The following TP53I11 variants were observed in gnomAD, a reference collection of about 807,000 sequenced individuals.
The protein encoded by TP53I11 is tumor protein p53-inducible protein 11.
Under a neutral mutation model 23.3 loss-of-function variants are expected in TP53I11, and 9 were observed. The ratio of observed to expected loss-of-function variants is 0.39; its 90% confidence interval spans 0.23 to 0.67. TP53I11 has a LOEUF of 0.67. Among genes scored for constraint, TP53I11 ranks in the 30% least tolerant of loss-of-function variants. The pLI is 0.48. For synonymous variants in TP53I11, 100 were observed against 106.1 expected, an observed-to-expected ratio of 0.94 and a Z score of 0.35; for missense variants, 170 against 255.2, an observed-to-expected ratio of 0.67 and a Z score of 2.27.
At chr11:44,940,316 T>C (rs1007085035) in intron 1 of TP53I11, among the ~76,000 whole-genome samples, 20 of 152,372 alleles carry the variant, frequency 1.3e-4, no homozygotes, top group Admixed American at 9.8e-4. Context: ...GTTATTTGAA[T>C]GTTAGCACAC....
chr11:44,935,672 GGGATGAAAAGGGGGCT>G lies in TP53I11; in HGVS notation c.335-26_335-11del. 2 of 1,532,422 alleles carry G rather than the reference GGGATGAAAAGGGGGCT, an allele frequency of 1.3e-6. No homozygotes were observed. Among genetic ancestry groups the G allele is most frequent in the Non-Finnish European group, 1.8e-6 (2 of 1,109,704 alleles). The allele number at this position is 1,532,422 out of a possible 1,614,324, so 94.9% of individuals were successfully genotyped here. A position where few individuals can be genotyped will look rare whatever the true frequency, so the allele number is the denominator to read the frequency against. ...ATGATCAGGGAGATGCCTGGGGCGGGGGATGAAAAGGGGGCTGGGGGTGGGACAGCTGACTCCCTCC... is the reference window on the plus strand; with the variant it reads ...ATGATCAGGGAGATGCCTGGGGCGGGGGGGGTGGGACAGCTGACTCCCTCC... On this transcript the variant is annotated splice_polypyrimidine_tract_variant and intron_variant, in intron 5 of 6. Transcript: ENST00000525680.
At chr11:44,942,229 CT>C (rs1861906898) in intron 1 of TP53I11, among the ~76,000 whole-genome samples, 1 of 107,724 alleles carries the variant, frequency 9.3e-6, no homozygotes. Flanking sequence ...CACCACACAC[CT>C]ACCACACACC....
At position 44,934,959 on chromosome 11, in the gene TP53I11, C is replaced by T; in HGVS notation, c.495G>A (p.Leu165=). The change falls in exon 7 of 7, where the codon CTG becomes CTA. Residue 165 remains leucine, a synonymous_variant. Transcript: ENST00000525680. ...GLMSLGILLL[L]VSRLLFVVIS... The stretch of plus-strand genomic sequence containing the variant: ...TGACGACAAAAAGGAGGCGGCTGAC[C>T]AGGAGCAGCAGGATCCCCAGGGACA... 3.7e-6 allele frequency: 6 copies of T among 1,614,090 alleles called. No individual in the cohort carries two copies. The South Asian group carries it at 6.6e-5, about 18-fold the overall frequency.
intron 1 of TP53I11, among the ~76,000 whole-genome samples, chr11:44,943,805 T>G (rs922174256): frequency 1.3e-5 from 2 of 152,212 alleles, no homozygotes; most frequent in Non-Finnish European, 2.9e-5. Flanking sequence ...TGGCTTGTAC[T>G]GTGCTCCTCC....
intron 1 of TP53I11, among the ~76,000 whole-genome samples, chr11:44,942,429 TACACACACACACACAC>T (rs56662172): frequency 1.4e-5 from 2 of 146,276 alleles, no homozygotes; most frequent in South Asian, 2.2e-4. Context: ...ACACACACCA[TACACACACACACACAC>T]ACACACACAC....
At position 44,936,904 on chromosome 11, in the gene TP53I11, G is replaced by A. The variant is rs1243344420; in HGVS notation, c.238-5C>T. 1.3e-5 allele frequency: 20 copies of A among 1,599,088 alleles called. No homozygotes were observed. Among genetic ancestry groups the A allele is most frequent in the South Asian group, 3.4e-5 (3 of 88,170 alleles). Reference sequence around the variant, plus strand: ...CTGGTCAGGGAAGGCAAGCGCCTGCGGGCAGCGAGAGGGGCTCAGAGGTCC... The same window carrying A: ...CTGGTCAGGGAAGGCAAGCGCCTGCAGGCAGCGAGAGGGGCTCAGAGGTCC... On this transcript the variant is annotated splice_polypyrimidine_tract_variant and splice_region_variant and intron_variant, in intron 4 of 6. Coordinates refer to ENST00000525680, the MANE Select transcript of TP53I11 (RefSeq NM_006034.5). The surrounding 1 kb of genome is among the most constrained non-coding windows in gnomAD (Gnocchi z 4.4).
At position 44,935,947 on chromosome 11, in the gene TP53I11, G is replaced by A; in HGVS notation, c.335-285C>T. The A allele has an allele frequency of 5.9e-6, 3 of 509,186 alleles. No individual in the cohort carries two copies. In the South Asian group the frequency reaches 6.9e-5, roughly 12 times the overall value. 31.5% of individuals were successfully genotyped at this position (509,186 alleles called of 1,614,324 possible). On this transcript the variant is annotated intron_variant, in intron 5 of 6. Coordinates refer to ENST00000525680, the MANE Select transcript of TP53I11 (RefSeq NM_006034.5). ...ATTGAGACTCGATCTCTTTATAAAG[G>A]GGGAGGACTGAGCCCCTGGCCCCTG...
In TP53I11 at chr11:44,936,975, G is replaced by T. The variant is rs1012330611; in HGVS notation, c.238-76C>A. ...GTGACAGCTGATGCTTCCCACAGAC[G>T]TCTTCCTTCCCCGCCAGGAGCAGGA... On this transcript the variant is annotated intron_variant, in intron 4 of 6. Transcript: ENST00000525680. This position sits in a 1 kb window ranked among gnomAD's most constrained non-coding sequence, Gnocchi z 4.4. The T allele has an allele frequency of 2.9e-5, 31 of 1,071,892 alleles. No homozygotes were observed. The highest frequency in any genetic ancestry group is 2.5e-4 in the Admixed American group (10 of 39,618). The allele number at this position is 1,071,892 out of a possible 1,614,324, so 66.4% of individuals were successfully genotyped here. A position where few individuals can be genotyped will look rare whatever the true frequency, so the allele number is the denominator to read the frequency against.
intron 1 of TP53I11, among the ~76,000 whole-genome samples, chr11:44,938,933 A>G (rs529271711): frequency 3.3e-5 from 5 of 152,246 alleles, no homozygotes; most frequent in African/African-American, 1.2e-4. Context: ...AGAGCCAGAG[A>G]AGGCTGCCAG....
At chr11:44,941,488 G>T (rs566808122) in intron 1 of TP53I11, among the ~76,000 whole-genome samples, 2 of 152,260 alleles carry the variant, frequency 1.3e-5, no homozygotes, top group African/African-American at 4.8e-5. Flanking sequence ...ATCACTGCCT[G>T]GCTGTGTGCC....
At chr11:44,945,568 G>C (rs545306206) in intron 1 of TP53I11, among the ~76,000 whole-genome samples, 1 of 152,234 alleles carries the variant, frequency 6.6e-6, no homozygotes, top group African/African-American at 2.4e-5. Context: ...GAAAGTCCCT[G>C]GTGGTCGCCA....
intron 1 of TP53I11, chr11:44,946,946 G>C (rs976444280): frequency 2.2e-6 from 1 of 448,998 alleles, no homozygotes; most frequent in Admixed American, 2.4e-5. Flanking sequence ...CTTTCTTTTT[G>C]AAGGGGCCCA....
At chr11:44,943,292 T>G (rs1862074352) in intron 1 of TP53I11, 1 of 152,198 alleles carries the variant, frequency 6.6e-6, no homozygotes, top group African/African-American at 2.4e-5. Context: ...AAGCCTGCCA[T>G]CAGTGCTGTG....
At chr11:44,942,080 CAT>C (rs1861862010) in intron 1 of TP53I11, among the ~76,000 whole-genome samples, 1 of 134,708 alleles carries the variant, frequency 7.4e-6, no homozygotes. Flanking sequence ...ACACACACAC[CAT>C]ACAAACTACA....
rs1860798998 is a variant in TP53I11, at chr11:44,933,803, C to A, written c.*1081G>T. On this transcript the variant is annotated 3_prime_UTR_variant, in exon 7 of 7. Coordinates refer to ENST00000525680, the MANE Select transcript of TP53I11 (RefSeq NM_006034.5). ...GCCACCTGATCCCACTCAGCCAGAC[C>A]CTGGAGGCAGCCCGGGCTGCACGTG... 1 of 152,892 alleles carries A rather than the reference C, an allele frequency of 6.5e-6. No individual in the cohort carries two copies. The highest frequency in any genetic ancestry group is 2.1e-4 in the South Asian group (1 of 4,868). 9.5% of individuals were successfully genotyped at this position (152,892 alleles called of 1,614,324 possible). A position where few individuals can be genotyped will look rare whatever the true frequency, so the allele number is the denominator to read the frequency against.
At chr11:44,940,036 C>T (rs778314301) in intron 1 of TP53I11, among the ~76,000 whole-genome samples, 29 of 152,234 alleles carry the variant, frequency 1.9e-4, no homozygotes, top group South Asian at 8.3e-4. Context: ...TTTCATCACC[C>T]GGCTCCTGGA....
Position 44,938,262 on chromosome 11 carries a change from C to G in TP53I11, c.74G>C (p.Arg25Pro). The G allele has an allele frequency of 6.2e-7, 1 of 1,612,892 alleles. No individual in the cohort carries two copies. Among genetic ancestry groups the G allele is most frequent in the African/African-American group, 1.3e-5 (1 of 74,990 alleles). Residue 25 changes from arginine (R) to proline (P), a missense_variant, in exon 2 of 7, where the codon CGC becomes CCC. Transcript: ENST00000525680. ...CTCCCCGCCCACGCCGAGGATCTTG[C>G]GGGTCTTCAGGCGGCTCACGAGGTC... is the stretch of plus-strand genomic sequence containing the variant. ...QTDLVSRLKT[R>P]KILGVGGEDD...
intron 1 of TP53I11, among the ~76,000 whole-genome samples, chr11:44,948,713 CA>C: frequency 6.6e-6 from 1 of 152,350 alleles, no homozygotes; most frequent in Non-Finnish European, 1.5e-5. Flanking sequence ...GTAATGCTCA[CA>C]AACATTTTGT....
In TP53I11 at chr11:44,950,817, GGGCA is replaced by G; in HGVS notation, c.-176_-173del. On this transcript the variant is annotated 5_prime_UTR_variant, in exon 1 of 7. Coordinates refer to ENST00000525680, the MANE Select transcript of TP53I11 (RefSeq NM_006034.5). ...GGGCAGGGCAGGGCAGGACAGGGCA[GGGCA>G]GGGCAGGGCCGGGCCGGCTGGACTG... 6.6e-6 allele frequency: 1 copy of G among 152,200 alleles called. No homozygotes were observed. Among genetic ancestry groups the G allele is most frequent in the Non-Finnish European group, 1.5e-5 (1 of 68,382 alleles). The allele number at this position is 152,200 out of a possible 1,614,324, so 9.4% of individuals were successfully genotyped here.
Sources: gnomAD v4.1 joint callset for allele counts (sites outside exome capture counted in the v4.1 genomes callset) on GRCh38, gnomAD v4.1.1 for gene constraint, Gnocchi (gnomAD v3.1) non-coding constraint, MANE v1.5 for transcripts, NCBI Gene and HGNC (gene_info 2026-07-23, HGNC 2026-07-21) for gene names.